Variants in FBXO38 observed in about 807,000 individuals in gnomAD.
FBXO38 encodes F-box only protein 38.
In FBXO38, 53 loss-of-function variants were observed where a neutral mutation model predicts 131.9. The observed-to-expected ratio is 0.40, with a 90% CI of 0.32 to 0.51. The LOEUF is 0.51. Ranked by LOEUF, FBXO38 falls within the 20% of genes least tolerant of loss-of-function variation. The probability of loss-of-function intolerance (pLI) is 0.53; values close to 1 mark genes in which losing one functional copy is unlikely to be tolerated. For missense variants in FBXO38, 1,076 were observed against 1,475.6 expected, an observed-to-expected ratio of 0.73 and a Z score of 4.44; for synonymous variants, 452 against 505.6, an observed-to-expected ratio of 0.89 and a Z score of 1.42.
chr5:148,424,242 A>G, intron 13 of FBXO38, 125 bp downstream of exon 13: 1 of 930,822 alleles, frequency 1.1e-6, no homozygotes, highest in East Asian at 2.5e-5. Flanking sequence ...TATGCTATTG[A>G]TTACTGAGAA....
chr5:148,411,098 A>G (rs1752724974), intron 9 of FBXO38, among the ~76,000 whole-genome samples: 1 of 151,916 alleles, frequency 6.6e-6, no homozygotes, highest in Non-Finnish European at 1.5e-5. Context: ...CCTTGGTTCC[A>G]TTGTTGAATT....
rs968981839 is a variant in FBXO38 at position 148,394,695 on chromosome 5, C to T, written c.-63-19C>T. On this transcript the variant is annotated intron_variant, in intron 1 of 21. Coordinates refer to ENST00000340253, the MANE Select transcript of FBXO38 (RefSeq NM_205836.3). ...GGGGGTGTGTTTTTTTAGTCTACTT[C>T]GTTCTGTTTGCTTTTCAGGTACTTT... 6 of 1,352,668 alleles carry T rather than the reference C, an allele frequency of 4.4e-6. No homozygotes were observed. Among genetic ancestry groups the T allele is most frequent in the Middle Eastern group, 2.5e-4 (1 of 4,076 alleles). The allele number at this position is 1,352,668 out of a possible 1,614,324, so 83.8% of individuals were successfully genotyped here. A position where few individuals can be genotyped will look rare whatever the true frequency, so the allele number is the denominator to read the frequency against.
intron 12 of FBXO38, among the ~76,000 whole-genome samples, chr5:148,420,333 C>T (rs1753339947): frequency 6.6e-6 from 1 of 151,818 alleles, no homozygotes; most frequent in African/African-American, 2.4e-5. Flanking sequence ...TACTGTGTCG[C>T]CCAGTCTGGT....
At chr5:148,398,922 A>C (rs2113521195) in intron 2 of FBXO38, 77 bp from the exon 3 acceptor site, 2 of 1,521,826 alleles carry the variant, frequency 1.3e-6, no homozygotes, top group East Asian at 2.3e-5. Context: ...AGATTGGAAG[A>C]AGGAAAAAAA....
chr5:148,384,780 G>C (rs916754734), intron 1 of FBXO38: 1 of 152,216 alleles, frequency 6.6e-6, no homozygotes, highest in African/African-American at 2.4e-5. Context: ...AAGGGCAACT[G>C]GTCACTTAGG....
intron 10 of FBXO38, among the ~76,000 whole-genome samples, chr5:148,415,605 A>G (rs1581258350): frequency 6.6e-6 from 1 of 152,182 alleles, no homozygotes; most frequent in Non-Finnish European, 1.5e-5. Context: ...AAATAGCTAC[A>G]TAATGTTCTA....
chr5:148,424,483 G>A (rs959795391), intron 13 of FBXO38, among the ~76,000 whole-genome samples: 2 of 152,196 alleles, frequency 1.3e-5, no homozygotes, highest in African/African-American at 4.8e-5. Flanking sequence ...GAGCAGTTGA[G>A]AAGTTGACCT....
At chr5:148,423,700 T>G (rs993809386) in intron 12 of FBXO38, 2 of 200,688 alleles carry the variant, frequency 1.0e-5, no homozygotes, top group East Asian at 1.2e-4. Context: ...AATGGCATCT[T>G]TTTGGCTTAA....
intron 7 of FBXO38, among the ~76,000 whole-genome samples, chr5:148,408,527 G>A (rs1343508561): frequency 2.6e-5 from 4 of 152,202 alleles, no homozygotes; most frequent in Non-Finnish European, 4.4e-5. Flanking sequence ...GCAAAATACT[G>A]TACAGTAATA....
intron 12 of FBXO38, among the ~76,000 whole-genome samples, chr5:148,420,660 A>G (rs1435958351): frequency 6.6e-6 from 1 of 152,128 alleles, no homozygotes; most frequent in Non-Finnish European, 1.5e-5. Context: ...CCTCCACCCC[A>G]TTAGCCTGAA....
At chr5:148,411,410 A>G (rs1465549831) in intron 9 of FBXO38, among the ~76,000 whole-genome samples, 1 of 152,176 alleles carries the variant, frequency 6.6e-6, no homozygotes, top group East Asian at 1.9e-4. Flanking sequence ...CATCACCAAC[A>G]TGCTTTTATT....
chr5:148,405,146 A>G (rs1252230527), intron 6 of FBXO38, among the ~76,000 whole-genome samples: 1 of 152,080 alleles, frequency 6.6e-6, no homozygotes, highest in African/African-American at 2.4e-5. Flanking sequence ...GCATGTAAAT[A>G]GTTGGCTTCC....
At chr5:148,439,578 A>G (rs1482383087) in intron 18 of FBXO38, 69 bp from the exon 19 acceptor site, 1 of 1,452,024 alleles carries the variant, frequency 6.9e-7, no homozygotes, top group Non-Finnish European at 9.5e-7. Flanking sequence ...AAGATTGTTC[A>G]AGCTCTCGGA....
intron 3 of FBXO38, among the ~76,000 whole-genome samples, chr5:148,400,080 T>G (rs556423562): frequency 1.3e-5 from 2 of 152,132 alleles, no homozygotes; most frequent in South Asian, 4.2e-4. Context: ...AGTTGGTAAC[T>G]CTTATCAGCT....
At position 148,427,428 on chromosome 5, in the gene FBXO38, G is replaced by A; in HGVS notation, c.2134G>A (p.Val712Met). 6.2e-7 allele frequency: 1 copy of A among 1,614,204 alleles called. No individual in the cohort carries two copies. Among genetic ancestry groups the A allele is most frequent in the Non-Finnish European group, 8.5e-7 (1 of 1,180,038 alleles). The part of the protein sequence containing the change: ...PSCSSTTAST[V>M]GNSSSHNTAS... ...CTGCAGCAGCACCACCGCCAGCACA[G>A]TGGGAAACTCCAGCTCACACAACAC... is the stretch of plus-strand genomic sequence containing the variant. The change falls in exon 15 of 22, where the codon GTG becomes ATG. Residue 712 changes from valine (V) to methionine (M), a missense_variant. Physicochemically the swap from Val to Met is conservative, Grantham distance 21. Around this residue, in one of 8 missense-constraint regions of FBXO38, gnomAD observed 213 missense variants for 225.2 expected, o/e 0.95. Coordinates refer to ENST00000340253, the MANE Select transcript of FBXO38 (RefSeq NM_205836.3).
rs75666198 is a variant in FBXO38 at position 148,442,265 on chromosome 5, A to G, written c.*118A>G. The G allele has an allele frequency of 0.032, 24,719 of 782,444 alleles. 1,398 individuals are homozygous for G. The highest frequency in any genetic ancestry group is 0.16 in the East Asian group (6,372 of 39,968). 48.5% of individuals were successfully genotyped at this position (782,444 alleles called of 1,614,324 possible). On this transcript the variant is annotated 3_prime_UTR_variant, in exon 22 of 22. Coordinates refer to ENST00000340253, the MANE Select transcript of FBXO38 (RefSeq NM_205836.3). ...GGGAGGTCCTGGCTCGGTTTGCTAT[A>G]TAGGGAATATATAAGGAACATCGAA...
At chr5:148,411,592 C>A (rs1444500972) in intron 9 of FBXO38, among the ~76,000 whole-genome samples, 1 of 152,068 alleles carries the variant, frequency 6.6e-6, no homozygotes, top group African/African-American at 2.4e-5. Context: ...GACTGTTTTT[C>A]ATTTCTAATA....
intron 4 of FBXO38, 96 bp from the exon 5 acceptor site, chr5:148,402,252 T>G (rs1752199360): frequency 6.5e-7 from 1 of 1,540,252 alleles, no homozygotes; most frequent in South Asian, 1.2e-5. Context: ...TCACAAACTT[T>G]TAAGTTCCAT....
intron 10 of FBXO38, 84 bp from the exon 11 acceptor site, chr5:148,415,844 A>G: frequency 7.2e-7 from 1 of 1,389,040 alleles, no homozygotes; most frequent in Non-Finnish European, 1.0e-6. Flanking sequence ...AGGATTTGAA[A>G]GTCTTTGTGA....
Sources: gnomAD v4.1 joint callset for allele counts (sites outside exome capture counted in the v4.1 genomes callset) on GRCh38, gnomAD v4.1.1 for gene constraint, gnomAD v4.1.1 regional missense constraint, MANE v1.5 for transcripts, NCBI Gene and HGNC (gene_info 2026-07-23, HGNC 2026-07-21) for gene names.